MLLT10: variants seen among roughly 807,000 people sequenced by gnomAD.
MLLT10 encodes the protein MLLT10 histone lysine methyltransferase DOT1L cofactor.
Under a neutral mutation model 129.1 loss-of-function variants are expected in MLLT10, and 30 were observed. That is an observed-to-expected ratio of 0.23 (90% CI 0.17 to 0.32). MLLT10 has a LOEUF of 0.32. Ranked by LOEUF, MLLT10 falls within the 10% of genes least tolerant of loss-of-function variation. The probability of loss-of-function intolerance (pLI) is 1.00; values close to 1 mark genes in which losing one functional copy is unlikely to be tolerated. For missense variants in MLLT10, 1,119 were observed against 1,268.3 expected, an observed-to-expected ratio of 0.88 and a Z score of 1.79; for synonymous variants, 490 against 446.4, an observed-to-expected ratio of 1.10 and a Z score of -1.23.
intron 8 of MLLT10, among the ~76,000 whole-genome samples, chr10:21,651,323 G>A (rs1248085871): frequency 6.6e-6 from 1 of 152,148 alleles, no homozygotes; most frequent in Non-Finnish European, 1.5e-5. Flanking sequence ...GCCCGCTTCA[G>A]CTTCCCAAAG....
chr10:21,536,426 C>T (rs1353078257), intron 2 of MLLT10, among the ~76,000 whole-genome samples: 3 of 152,148 alleles, frequency 2.0e-5, no homozygotes, highest in African/African-American at 7.2e-5. Context: ...TTGATAATTT[C>T]TATGTCCCAA....
rs1554774974 is a variant in MLLT10 at position 21,534,315 on chromosome 10, C to CCA, written c.-205_-204insAC. The CCA allele has an allele frequency of 7.7e-6, 3 of 391,228 alleles. No individual in the cohort carries two copies. The highest frequency in any genetic ancestry group is 9.0e-6 in the Non-Finnish European group (2 of 221,758). 24.2% of individuals were successfully genotyped at this position (391,228 alleles called of 1,614,324 possible). A position where few individuals can be genotyped will look rare whatever the true frequency, so the allele number is the denominator to read the frequency against. On this transcript the variant is annotated 5_prime_UTR_variant, in exon 1 of 23. Transcript: ENST00000307729. ...CCCTGGCCCAGCGGGAGCCCCCCCT[C>CCA]CCCCCAGTGCGCCTGTGCGGAGGCC...
chr10:21,538,378 G>T (rs540988103), intron 2 of MLLT10, among the ~76,000 whole-genome samples: 10 of 152,074 alleles, frequency 6.6e-5, no homozygotes, highest in Admixed American at 2.0e-4. Flanking sequence ...GGTCAGGCTG[G>T]TCTTGAACTC....
At chr10:21,651,113 C>T (rs1024057500) in intron 8 of MLLT10, among the ~76,000 whole-genome samples, 2 of 151,882 alleles carry the variant, frequency 1.3e-5, no homozygotes, top group South Asian at 2.1e-4. Flanking sequence ...ACACTGTTGC[C>T]CAGGCTCGGG....
chr10:21,634,430 T>C (rs908204518), intron 8 of MLLT10, among the ~76,000 whole-genome samples: 10 of 152,232 alleles, frequency 6.6e-5, no homozygotes, highest in African/African-American at 1.9e-4. Flanking sequence ...AAGGGACATA[T>C]GATATTAGTT....
At chr10:21,677,514 C>T (rs1200451127) in intron 11 of MLLT10, among the ~76,000 whole-genome samples, 2 of 152,172 alleles carry the variant, frequency 1.3e-5, no homozygotes, top group Non-Finnish European at 2.9e-5. Flanking sequence ...TTCCTGTGTA[C>T]TTAAATCATT....
intron 9 of MLLT10, among the ~76,000 whole-genome samples, chr10:21,657,731 GTC>G (rs2049756351): frequency 6.6e-6 from 1 of 152,060 alleles, no homozygotes; most frequent in Non-Finnish European, 1.5e-5. Flanking sequence ...TCAGGTTTTT[GTC>G]TCTTTCTCTT....
intron 9 of MLLT10, among the ~76,000 whole-genome samples, chr10:21,658,751 G>A (rs1025999761): frequency 1.2e-4 from 18 of 152,086 alleles, no homozygotes; most frequent in Admixed American, 2.6e-4. Context: ...TGCAGCCTCT[G>A]CCTCTTGGGT....
chr10:21,648,218 AT>A (rs2048689603), intron 8 of MLLT10, among the ~76,000 whole-genome samples: 1 of 152,124 alleles, frequency 6.6e-6, no homozygotes, highest in African/African-American at 2.4e-5. Context: ...GACTTCTTTG[AT>A]TCACATTTGA....
intron 3 of MLLT10, among the ~76,000 whole-genome samples, chr10:21,585,612 G>A (rs2041913481): frequency 1.3e-5 from 2 of 152,170 alleles, no homozygotes; most frequent in Non-Finnish European, 2.9e-5. Flanking sequence ...CCATAAGACA[G>A]GAAGTAAACA....
At chr10:21,611,425 A>C (rs2044644432) in intron 5 of MLLT10, among the ~76,000 whole-genome samples, 1 of 152,048 alleles carries the variant, frequency 6.6e-6, no homozygotes. Context: ...ACCACAGTGC[A>C]AAGTGAATGA....
intron 9 of MLLT10, among the ~76,000 whole-genome samples, chr10:21,667,620 G>A (rs2050956648): frequency 6.6e-6 from 1 of 151,348 alleles, no homozygotes; most frequent in Non-Finnish European, 1.5e-5. Flanking sequence ...GGTTTTTATG[G>A]GACACTTGAA....
At chr10:21,706,993 C>T (rs1037136175) in intron 13 of MLLT10, among the ~76,000 whole-genome samples, 2 of 152,008 alleles carry the variant, frequency 1.3e-5, no homozygotes, top group African/African-American at 2.4e-5. Context: ...TGTATGAACT[C>T]CTCTTCTAGG....
At position 21,612,466 on chromosome 10, in the gene MLLT10, A is replaced by C; in HGVS notation, c.509+15A>C. 6.5e-7 allele frequency: 1 copy of C among 1,543,436 alleles called. No individual in the cohort carries two copies. The highest frequency in any genetic ancestry group is 1.1e-5 in the South Asian group (1 of 88,166). On this transcript the variant is annotated intron_variant, in intron 6 of 22. Coordinates refer to ENST00000307729, the MANE Select transcript of MLLT10 (RefSeq NM_001195626.3). Reference sequence around the variant, plus strand: ...CATGTAACATGGTAAGGATGTTTCCATTGTTGCACAGAACTGAACTTGGTA... The same window carrying C: ...CATGTAACATGGTAAGGATGTTTCCCTTGTTGCACAGAACTGAACTTGGTA...
chr10:21,731,551 C>T (rs183144699), intron 17 of MLLT10, among the ~76,000 whole-genome samples: 107 of 152,150 alleles, frequency 7.0e-4, no homozygotes, highest in East Asian at 1.5e-3. Flanking sequence ...AACTTGCTCA[C>T]CTCTGGAAAA....
chr10:21,565,102 C>T (rs979207228), intron 3 of MLLT10, among the ~76,000 whole-genome samples: 1 of 151,926 alleles, frequency 6.6e-6, no homozygotes, highest in Admixed American at 6.6e-5. Flanking sequence ...GGTGGATTGA[C>T]CTCTCTCTCC....
chr10:21,540,550 AC>A (rs1203942703), intron 3 of MLLT10, among the ~76,000 whole-genome samples: 1 of 152,094 alleles, frequency 6.6e-6, no homozygotes, highest in African/African-American at 2.4e-5. Context: ...CTCACAAAAA[AC>A]ACAGTGAGGG....
chr10:21,583,629 A>G (rs529139395), intron 3 of MLLT10, among the ~76,000 whole-genome samples: 41 of 152,208 alleles, frequency 2.7e-4, no homozygotes, highest in African/African-American at 9.6e-4. Flanking sequence ...GGGAATGGGG[A>G]CCAGGAGTGT....
intron 11 of MLLT10, among the ~76,000 whole-genome samples, chr10:21,680,911 G>A (rs1370575401): frequency 6.6e-6 from 1 of 151,696 alleles, no homozygotes; most frequent in Non-Finnish European, 1.5e-5. Flanking sequence ...AGCCGAGCTT[G>A]CGCCACTGCA....
Sources: gnomAD v4.1 joint callset for allele counts (sites outside exome capture counted in the v4.1 genomes callset) on GRCh38, gnomAD v4.1.1 for gene constraint, MANE v1.5 for transcripts, NCBI Gene and HGNC (gene_info 2026-07-23, HGNC 2026-07-21) for gene names.